KLHL1: variants seen among roughly 807,000 people sequenced by gnomAD.
The protein encoded by KLHL1 is kelch-like protein 1.
A neutral mutation model predicts 77.7 loss-of-function variants in KLHL1; 47 were observed. That is an observed-to-expected ratio of 0.60 (90% CI 0.48 to 0.77). KLHL1 has a LOEUF of 0.77. Ranked by LOEUF, KLHL1 falls within the 30% of genes least tolerant of loss-of-function variation. KLHL1 has a pLI of 0.00. For synonymous variants in KLHL1, 360 were observed against 325.2 expected, an observed-to-expected ratio of 1.11 and a Z score of -1.15; for missense variants, 925 against 910.8, an observed-to-expected ratio of 1.02 and a Z score of -0.20.
chr13:70,036,744 A>T (rs1485176897), intron 1 of KLHL1, among the ~76,000 whole-genome samples: 1 of 150,544 alleles, frequency 6.6e-6, no homozygotes, highest in East Asian at 2.0e-4. Context: ...TTCTCTCATT[A>T]GACTTTGAAA....
At chr13:70,026,608 A>G (rs184636626) in intron 1 of KLHL1, among the ~76,000 whole-genome samples, 1 of 152,172 alleles carries the variant, frequency 6.6e-6, no homozygotes. Flanking sequence ...AAGACAACAT[A>G]TATTTATAAG....
At chr13:70,076,955 T>C (rs1316089436) in intron 1 of KLHL1, among the ~76,000 whole-genome samples, 1 of 151,966 alleles carries the variant, frequency 6.6e-6, no homozygotes, top group Admixed American at 6.6e-5. Context: ...ATTGCCAAGA[T>C]GCTAAATACT....
Position 69,975,732 on chromosome 13 carries a change from G to T in KLHL1, c.568C>A (p.Gln190Lys). Reference sequence around the variant, plus strand: ...GTTTGCTCAGCATGATGAACAGCTTGATAGAATTCTTCAGAGCTACTGGAG... The same window carrying T: ...GTTTGCTCAGCATGATGAACAGCTTTATAGAATTCTTCAGAGCTACTGGAG... ...LDSSSSEEFYQAVHHAEQTFR... is the reference protein window; with the variant it reads ...LDSSSSEEFYKAVHHAEQTFR... The change falls in exon 2 of 11, where the codon CAA (glutamine) becomes AAA (lysine). Residue 190 changes from glutamine (Q) to lysine (K), a missense_variant. Physicochemically the swap from Gln to Lys is moderately conservative, Grantham distance 53 (BLOSUM62 1). Coordinates refer to ENST00000377844, the MANE Select transcript of KLHL1 (RefSeq NM_020866.3). The T allele has an allele frequency of 1.9e-6, 3 of 1,613,484 alleles. No individual in the cohort carries two copies. Among genetic ancestry groups the T allele is most frequent in the Non-Finnish European group, 2.5e-6 (3 of 1,179,756 alleles).
chr13:69,730,767 A>C (rs56864128), intron 8 of KLHL1, among the ~76,000 whole-genome samples: 2 of 151,944 alleles, frequency 1.3e-5, no homozygotes, highest in African/African-American at 4.8e-5. Context: ...ATTTGTAGAG[A>C]TGGGGTCTCA....
intron 4 of KLHL1, among the ~76,000 whole-genome samples, chr13:69,898,793 C>A (rs1423543478): frequency 6.6e-6 from 1 of 152,148 alleles, no homozygotes; most frequent in Non-Finnish European, 1.5e-5. Context: ...ATCCTTGAGA[C>A]ATTTTTTTCT....
intron 1 of KLHL1, among the ~76,000 whole-genome samples, chr13:70,105,236 T>G (rs1888022214): frequency 6.6e-6 from 1 of 151,966 alleles, no homozygotes; most frequent in South Asian, 2.1e-4. Context: ...AATAAACTAT[T>G]TTCAAAAGTA....
chr13:69,930,155 T>G (rs1315761005), intron 4 of KLHL1, among the ~76,000 whole-genome samples: 2 of 151,858 alleles, frequency 1.3e-5, no homozygotes, highest in African/African-American at 4.8e-5. Context: ...ATTAGCAAGT[T>G]TTATATGAAA....
chr13:69,899,068 A>G (rs575439691), intron 4 of KLHL1, among the ~76,000 whole-genome samples: 32 of 151,570 alleles, frequency 2.1e-4, no homozygotes, highest in Admixed American at 2.1e-3. Flanking sequence ...AGAGTTAGCT[A>G]GAAGAAAGAA....
chr13:69,933,810 C>T (rs1883083752), intron 4 of KLHL1, among the ~76,000 whole-genome samples: 1 of 151,324 alleles, frequency 6.6e-6, no homozygotes, highest in Non-Finnish European at 1.5e-5. Context: ...AAAAAAAATA[C>T]TTGAGAAAAA....
In KLHL1 at chr13:70,107,948, G is replaced by A. The variant is rs1038043140; in HGVS notation, c.-249C>T. The A allele has an allele frequency of 4.3e-6, 2 of 465,698 alleles. No homozygotes were observed. Among genetic ancestry groups the A allele is most frequent in the Non-Finnish European group, 7.5e-6 (2 of 265,614 alleles). The allele number at this position is 465,698 out of a possible 1,614,324, so 28.8% of individuals were successfully genotyped here. Reference sequence around the variant, plus strand: ...GGCGTGGGGACACCACCAGGCAGGAGCAGAGGCAGGACTGGGACGCCAAAA... The same window carrying A: ...GGCGTGGGGACACCACCAGGCAGGAACAGAGGCAGGACTGGGACGCCAAAA... On this transcript the variant is annotated 5_prime_UTR_variant, in exon 1 of 11. Coordinates refer to ENST00000377844, the MANE Select transcript of KLHL1 (RefSeq NM_020866.3).
intron 4 of KLHL1, among the ~76,000 whole-genome samples, chr13:69,911,032 C>A (rs1448320729): frequency 1.3e-5 from 2 of 152,048 alleles, no homozygotes; most frequent in African/African-American, 4.8e-5. Context: ...CTTCAAAGAT[C>A]AGTATAGAAT....
At chr13:70,062,570 C>A (rs1886916300) in intron 1 of KLHL1, among the ~76,000 whole-genome samples, 1 of 152,038 alleles carries the variant, frequency 6.6e-6, no homozygotes, top group African/African-American at 2.4e-5. Flanking sequence ...TGCACATGTA[C>A]CCCAGAGCTT....
intron 4 of KLHL1, among the ~76,000 whole-genome samples, chr13:69,891,966 C>A (rs187623343): frequency 1.2e-3 from 182 of 152,018 alleles, no homozygotes; most frequent in African/African-American, 4.1e-3. Context: ...TTTAACAAAA[C>A]TAACAAATTT....
intron 5 of KLHL1, among the ~76,000 whole-genome samples, chr13:69,881,005 T>C (rs1313349766): frequency 1.3e-5 from 2 of 152,294 alleles, no homozygotes; most frequent in South Asian, 2.1e-4. Context: ...AGATACTACC[T>C]GGCATTAGAA....
At chr13:70,072,922 A>G (rs907561408) in intron 1 of KLHL1, among the ~76,000 whole-genome samples, 6 of 152,250 alleles carry the variant, frequency 3.9e-5, no homozygotes, top group East Asian at 1.9e-4. Context: ...CACCATTCCT[A>G]TGCAACATCA....
intron 4 of KLHL1, among the ~76,000 whole-genome samples, chr13:69,929,214 T>C (rs1377590241): frequency 2.0e-5 from 3 of 152,066 alleles, no homozygotes; most frequent in Non-Finnish European, 4.4e-5. Flanking sequence ...ACACATCAAG[T>C]GAGCTACTCA....
At chr13:70,083,532 A>C (rs966282265) in intron 1 of KLHL1, among the ~76,000 whole-genome samples, 1 of 152,212 alleles carries the variant, frequency 6.6e-6, no homozygotes, top group African/African-American at 2.4e-5. Context: ...TATTAATTTT[A>C]GACTTTGTAG....
chr13:69,893,221 C>A (rs375300999), intron 4 of KLHL1, among the ~76,000 whole-genome samples: 3 of 150,770 alleles, frequency 2.0e-5, no homozygotes, highest in East Asian at 3.9e-4. Context: ...TTGGTAGCTA[C>A]ATAAATTTTT....
In KLHL1 at chr13:69,719,551, A is replaced by G; in HGVS notation, c.1833T>C (p.Ser611=). 1.2e-6 allele frequency: 2 copies of G among 1,613,098 alleles called. No individual in the cohort carries two copies. Among genetic ancestry groups the G allele is most frequent in the South Asian group, 2.2e-5 (2 of 91,062 alleles). Residue 611 remains serine, a synonymous_variant, in exon 9 of 11, where the codon AGT becomes AGC. Coordinates refer to ENST00000377844, the MANE Select transcript of KLHL1 (RefSeq NM_020866.3). ...AATATTCCATTGAACTCAAACAGGA[A>G]CTTCCATCACGACCTCCAACTGAAT... ...KLYSVGGRDG[S]SCLSSMEYYD...
Sources: gnomAD v4.1 joint callset for allele counts (sites outside exome capture counted in the v4.1 genomes callset) on GRCh38, gnomAD v4.1.1 for gene constraint, MANE v1.5 for transcripts, NCBI Gene and HGNC (gene_info 2026-07-23, HGNC 2026-07-21) for gene names.